Variants in KIAA1671 observed in about 807,000 individuals in gnomAD.
KIAA1671 encodes uncharacterized protein KIAA1671.
KIAA1671 carries 52 observed loss-of-function variants against 131.2 expected under a neutral mutation model. The ratio of observed to expected loss-of-function variants is 0.40; its 90% CI spans 0.32 to 0.50. The LOEUF (loss-of-function observed/expected upper bound fraction) is 0.50. KIAA1671 is among the 20% of genes least tolerant of loss of function. The probability of loss-of-function intolerance (pLI) is 0.73; values close to 1 mark genes in which losing one functional copy is unlikely to be tolerated. For missense variants in KIAA1671, 2,360 were observed against 2,364.2 expected (o/e 1.00, Z 0.04); for synonymous variants, 1,003 against 961.6 (o/e 1.04, Z -0.80).
intron 6 of KIAA1671, chr22:25,050,092 C>T (rs1002621184): frequency 6.6e-6 from 1 of 152,272 alleles, no homozygotes; most frequent in African/African-American, 2.4e-5. Context: ...ATAATTATTA[C>T]TCTTGCTGTT....
intron 6 of KIAA1671, among the ~76,000 whole-genome samples, chr22:25,066,811 G>A (rs948680980): frequency 3.3e-5 from 5 of 152,236 alleles, no homozygotes; most frequent in African/African-American, 1.2e-4. Context: ...TCAAGTGGTG[G>A]GAGGTGCACA....
In KIAA1671 at chr22:25,039,969, TGGC is replaced by T; in HGVS notation, c.2848_2850del (p.Arg950del). On this transcript the variant is annotated inframe_deletion, in exon 5 of 13. Coordinates refer to ENST00000358431, the MANE Select transcript of KIAA1671 (RefSeq NM_001145206.2). Reference sequence around the variant, plus strand: ...CGCCATGGACCAGAGAATGGACAGATGGCGGCGGCGGACTTTACCCCCCAACGT... The same window carrying T: ...CGCCATGGACCAGAGAATGGACAGATGGCGGCGGACTTTACCCCCCAACGT... 2 of 1,551,172 alleles carry T rather than the reference TGGC, an allele frequency of 1.3e-6. No individual in the cohort carries two copies. Among genetic ancestry groups the T allele is most frequent in the Middle Eastern group, 3.3e-4 (2 of 5,990 alleles).
chr22:25,064,463 A>G (rs1274657545), intron 6 of KIAA1671: 2 of 152,220 alleles, frequency 1.3e-5, no homozygotes, highest in Non-Finnish European at 2.9e-5. Context: ...CACTGTCATC[A>G]TCCTTATTTT....
At chr22:25,093,824 T>TTCTCTCTCTCTCTCTC (rs1568951523) in intron 6 of KIAA1671, among the ~76,000 whole-genome samples, 4 of 21,950 alleles carry the variant, frequency 1.8e-4, no homozygotes, top group African/African-American at 5.5e-4. Context: ...CTCTCTCTCT[T>TTCTCTCTCTCTCTCTC]TCTCTCTCTG....
chr22:25,041,087 GA>G lies in KIAA1671; in HGVS notation c.3964del (p.Thr1322ArgfsTer192). ...GCTCTCCTATACCTGCGGATCCCAG[GA>G]AAAAAACGGGGTTTGCTGAGGATGA... The part of the protein sequence containing the change: ...GGSPIPADPR[K>X]KTGFAEDDRK... On this transcript the variant is annotated frameshift_variant, in exon 5 of 13. Transcript: ENST00000358431. LOFTEE classifies it high-confidence loss of function. The G allele has an allele frequency of 1.3e-6, 2 of 1,541,436 alleles. No homozygotes were observed. The highest frequency in any genetic ancestry group is 1.8e-6 in the Non-Finnish European group (2 of 1,141,668).
chr22:25,128,897 A>G (rs1450676326), intron 6 of KIAA1671, among the ~76,000 whole-genome samples: 2 of 152,208 alleles, frequency 1.3e-5, no homozygotes, highest in Non-Finnish European at 2.9e-5. Flanking sequence ...TATGCAGCTA[A>G]CCTACCCCTG....
chr22:25,083,887 T>G (rs928892726), intron 6 of KIAA1671, among the ~76,000 whole-genome samples: 1 of 151,844 alleles, frequency 6.6e-6, no homozygotes, highest in Non-Finnish European at 1.5e-5. Context: ...CAGGGGGGAG[T>G]GCCTGGGGCC....
At chr22:25,190,322 C>T (rs555352177) in intron 11 of KIAA1671, among the ~76,000 whole-genome samples, 10 of 152,256 alleles carry the variant, frequency 6.6e-5, no homozygotes, top group African/African-American at 1.4e-4. Context: ...CTAATGCTGC[C>T]GCTGCTCTGA....
chr22:25,158,603 G>A (rs184267779), intron 6 of KIAA1671, among the ~76,000 whole-genome samples: 54 of 152,236 alleles, frequency 3.5e-4, no homozygotes, highest in Non-Finnish European at 3.8e-4. Context: ...GCCAGCAGCC[G>A]ACACACTGGA....
chr22:24,993,791 C>A (rs561043489), intron 1 of KIAA1671, among the ~76,000 whole-genome samples: 1 of 152,060 alleles, frequency 6.6e-6, no homozygotes, highest in Non-Finnish European at 1.5e-5. Flanking sequence ...AAAAATTCAG[C>A]AAGTGCAGCC....
chr22:25,047,467 C>CT (rs1198576836), intron 5 of KIAA1671, among the ~76,000 whole-genome samples: 2,837 of 120,420 alleles, frequency 0.024, 86 homozygotes, highest in African/African-American at 0.07. Flanking sequence ...GCCTCTTTTC[C>CT]TTTTTTTTTT....
intron 1 of KIAA1671, among the ~76,000 whole-genome samples, chr22:24,967,671 G>T (rs181068977): frequency 1.3e-5 from 2 of 152,146 alleles, no homozygotes; most frequent in Non-Finnish European, 2.9e-5. Context: ...CAGCCTTGAA[G>T]CAAAACCGTT....
At chr22:25,008,924 T>C (rs1465110703) in intron 1 of KIAA1671, among the ~76,000 whole-genome samples, 3 of 152,306 alleles carry the variant, frequency 2.0e-5, no homozygotes, top group Non-Finnish European at 4.4e-5. Context: ...CAGGCCCTGA[T>C]GCATTCATGG....
Position 25,040,626 on chromosome 22 carries a change from C to T in KIAA1671, c.3496C>T (p.Leu1166=). Residue 1166 remains leucine (L), a synonymous_variant, in exon 5 of 13, where the codon CTG becomes TTG. Coordinates refer to ENST00000358431, the MANE Select transcript of KIAA1671 (RefSeq NM_001145206.2). ...CGGAGCTCCCCAAACCACCCCGACT[C>T]TGAGGAGTCGTCCAAAAGATCTTCC... The part of the protein sequence containing the change: ...SGGAPQTTPT[L]RSRPKDLPVR... 1 of 1,551,874 alleles carries T rather than the reference C, an allele frequency of 6.4e-7. No individual in the cohort carries two copies. The highest frequency in any genetic ancestry group is 8.7e-7 in the Non-Finnish European group (1 of 1,147,044).
chr22:25,075,252 C>T (rs1453210875), intron 6 of KIAA1671, among the ~76,000 whole-genome samples: 1 of 152,156 alleles, frequency 6.6e-6, no homozygotes, highest in Admixed American at 6.5e-5. Context: ...TGCTGCTTTA[C>T]ATCCTATAAC....
At chr22:25,057,791 G>A (rs749146300) in intron 6 of KIAA1671, 64 of 152,258 alleles carry the variant, frequency 4.2e-4, no homozygotes, top group Non-Finnish European at 7.5e-4. Flanking sequence ...ACAGGCATGC[G>A]CCAGCATGCT....
chr22:25,165,014 TG>T (rs1425820740), intron 6 of KIAA1671, among the ~76,000 whole-genome samples: 1 of 148,236 alleles, frequency 6.7e-6, no homozygotes, highest in African/African-American at 2.5e-5. Flanking sequence ...TGTGTGTGTG[TG>T]TGTGTGTCTG....
rs1242646778 is a variant in KIAA1671 at position 25,027,916 on chromosome 22, T to G, written c.-55-29T>G. On this transcript the variant is annotated intron_variant, in intron 2 of 12. Transcript: ENST00000358431. The stretch of plus-strand genomic sequence containing the variant: ...CCCAGACACTGACTGTTTTCCAAAT[T>G]TACTTGTTTGTTTGTTTTGTTTGTT... 3 of 1,122,310 alleles carry G rather than the reference T, an allele frequency of 2.7e-6. No individual in the cohort carries two copies. The African/African-American group carries it at 4.7e-5, about 18-fold the overall frequency. The allele number at this position is 1,122,310 out of a possible 1,614,324, so 69.5% of individuals were successfully genotyped here.
chr22:25,161,137 T>A (rs1385786592), intron 6 of KIAA1671, among the ~76,000 whole-genome samples: 1 of 152,112 alleles, frequency 6.6e-6, no homozygotes, highest in Non-Finnish European at 1.5e-5. Flanking sequence ...CTTCTCCTTC[T>A]TTCTTCCCTC....
Sources: gnomAD v4.1 joint callset for allele counts (sites outside exome capture counted in the v4.1 genomes callset) on GRCh38, gnomAD v4.1.1 for gene constraint, MANE v1.5 for transcripts, NCBI Gene and HGNC (gene_info 2026-07-23, HGNC 2026-07-21) for gene names.